LRP1B: variants seen among roughly 807,000 people sequenced by gnomAD.
LRP1B encodes the protein LDL receptor related protein 1B, also known as low-density lipoprotein receptor-related protein 1B.
In LRP1B, 217 loss-of-function variants were observed where a neutral mutation model predicts 556.6. That is an observed-to-expected ratio of 0.39 (90% CI 0.35 to 0.44). The LOEUF (loss-of-function observed/expected upper bound fraction) is 0.44, where lower values mean the gene tolerates loss of function less well. Ranked by LOEUF, LRP1B falls within the 20% of genes least tolerant of loss-of-function variation. The pLI is 1.00. For synonymous variants in LRP1B, 2,047 were observed against 1,865.8 expected (o/e 1.10, Z -2.50); for missense variants, 5,053 against 5,620.8 (o/e 0.90, Z 3.23).
intron 41 of LRP1B, among the ~76,000 whole-genome samples, chr2:140,653,432 A>G (rs1156234175): frequency 2.0e-5 from 3 of 151,922 alleles, no homozygotes; most frequent in Non-Finnish European, 4.4e-5. Context: ...ATCCGTGGAG[A>G]CTAGAAAGTT....
intron 3 of LRP1B, among the ~76,000 whole-genome samples, chr2:141,331,020 A>T (rs985190410): frequency 6.6e-6 from 1 of 152,018 alleles, no homozygotes; most frequent in Non-Finnish European, 1.5e-5. Flanking sequence ...GGCCTCCCAA[A>T]GTGCTGGGAT....
chr2:140,912,005 T>C (rs548839102), intron 21 of LRP1B, among the ~76,000 whole-genome samples: 58 of 151,860 alleles, frequency 3.8e-4, no homozygotes, highest in Non-Finnish European at 6.6e-4. Flanking sequence ...ACAAATAATG[T>C]CACCAGAGAT....
intron 43 of LRP1B, among the ~76,000 whole-genome samples, chr2:140,551,093 T>C (rs1408113987): frequency 6.6e-6 from 1 of 152,146 alleles, no homozygotes; most frequent in Admixed American, 6.6e-5. Flanking sequence ...TGAACTCACA[T>C]TTTCCAGCCC....
At chr2:141,754,489 C>G (rs1458321311) in intron 2 of LRP1B, among the ~76,000 whole-genome samples, 1 of 152,088 alleles carries the variant, frequency 6.6e-6, no homozygotes, top group East Asian at 1.9e-4. Flanking sequence ...ACCTACTTAC[C>G]AATGCATAAT....
At chr2:141,539,739 C>T (rs1685187679) in intron 2 of LRP1B, among the ~76,000 whole-genome samples, 2 of 151,964 alleles carry the variant, frequency 1.3e-5, no homozygotes, top group South Asian at 4.1e-4. Context: ...TAAAAGTAGC[C>T]ATAGATTATA....
chr2:141,662,034 C>T (rs1011248932), intron 2 of LRP1B, among the ~76,000 whole-genome samples: 1 of 152,160 alleles, frequency 6.6e-6, no homozygotes, highest in Non-Finnish European at 1.5e-5. Flanking sequence ...TTTAGACATT[C>T]TTAAAGAAAG....
chr2:141,566,156 GA>G (rs748669440), intron 2 of LRP1B, among the ~76,000 whole-genome samples: 328 of 142,154 alleles, frequency 2.3e-3, no homozygotes, highest in African/African-American at 7.4e-3. Context: ...CACATTTCAG[GA>G]AAAAAAAAAA....
chr2:140,631,250 G>C (rs1026636954), intron 41 of LRP1B, among the ~76,000 whole-genome samples: 5 of 152,072 alleles, frequency 3.3e-5, no homozygotes, highest in African/African-American at 1.2e-4. Context: ...ATCATGTCTA[G>C]CTTTCTACAA....
At chr2:140,956,041 C>A (rs1333469563) in intron 18 of LRP1B, among the ~76,000 whole-genome samples, 3 of 151,704 alleles carry the variant, frequency 2.0e-5, no homozygotes, top group South Asian at 4.1e-4. Flanking sequence ...AAATTAATGA[C>A]AAGATAAGAA....
At chr2:140,653,944 G>C (rs1292648849) in intron 41 of LRP1B, among the ~76,000 whole-genome samples, 2 of 141,476 alleles carry the variant, frequency 1.4e-5, no homozygotes, top group Admixed American at 1.5e-4. Flanking sequence ...AGAATCGCTT[G>C]AACCTGGGAG....
chr2:140,599,744 A>G (rs1682581520), intron 42 of LRP1B, among the ~76,000 whole-genome samples: 1 of 152,252 alleles, frequency 6.6e-6, no homozygotes, highest in African/African-American at 2.4e-5. Flanking sequence ...AGGCTTTATA[A>G]TAAGAGAATT....
In LRP1B at chr2:140,776,134, C is replaced by T. The variant is rs1417505777; in HGVS notation, c.5464G>A (p.Val1822Ile). The T allele has an allele frequency of 1.9e-6, 3 of 1,574,394 alleles. No homozygotes were observed. The highest frequency in any genetic ancestry group is 2.6e-6 in the Non-Finnish European group (3 of 1,166,302). ...TCTTTATCATAGACTTTCATATGAA[C>T]TACCCCAGAAGTCTTATTCCGTAGG... ...TILRNKTSGV[V>I]HMKVYDKEAQ... The change falls in exon 33 of 91, where the codon GTT becomes ATT. Residue 1822 changes from valine to isoleucine, a missense_variant. Physicochemically the swap from Val to Ile is conservative, Grantham distance 29. Around this residue, in one of 5 missense-constraint regions of LRP1B, gnomAD observed 3,619 missense variants for 3,931.9 expected, o/e 0.92. Transcript: ENST00000389484.
At chr2:140,776,059 G>T (rs775791870) in intron 33 of LRP1B, 39 bp downstream of exon 33, 1 of 1,460,282 alleles carries the variant, frequency 6.8e-7, no homozygotes, top group Non-Finnish European at 9.2e-7. Context: ...AGCACATTAC[G>T]TATTCAAGAC....
chr2:141,149,316 C>A (rs763248987), intron 7 of LRP1B, among the ~76,000 whole-genome samples: 1 of 151,962 alleles, frequency 6.6e-6, no homozygotes, highest in Non-Finnish European at 1.5e-5. Flanking sequence ...CCACCATTAC[C>A]TATGAGATCT....
intron 31 of LRP1B, among the ~76,000 whole-genome samples, chr2:140,817,693 T>G (rs1691173248): frequency 6.6e-6 from 1 of 152,122 alleles, no homozygotes; most frequent in African/African-American, 2.4e-5. Flanking sequence ...TTGTTACAAT[T>G]AAGACTAGGC....
At chr2:140,696,793 C>A (rs543298198) in intron 41 of LRP1B, among the ~76,000 whole-genome samples, 7 of 152,250 alleles carry the variant, frequency 4.6e-5, no homozygotes, top group African/African-American at 1.7e-4. Flanking sequence ...ACAGTTTCAT[C>A]CCAAAACCAT....
chr2:140,915,065 C>T (rs536993112), intron 21 of LRP1B, among the ~76,000 whole-genome samples: 78 of 152,202 alleles, frequency 5.1e-4, no homozygotes, highest in African/African-American at 1.6e-3. Context: ...GAAATCTTTC[C>T]TGGTGACCAT....
At chr2:140,838,800 T>C (rs1692004852) in intron 31 of LRP1B, among the ~76,000 whole-genome samples, 1 of 152,148 alleles carries the variant, frequency 6.6e-6, no homozygotes, top group Non-Finnish European at 1.5e-5. Context: ...CCTGTAACAA[T>C]TTTTGCTTCT....
chr2:141,875,553 C>A (rs1481826501), intron 1 of LRP1B, among the ~76,000 whole-genome samples: 2 of 151,944 alleles, frequency 1.3e-5, no homozygotes, highest in Admixed American at 1.3e-4. Flanking sequence ...TCCTTTAGGT[C>A]TTAAGCAATA....
Sources: allele counts gnomAD v4.1 joint callset (sites outside exome capture counted in the v4.1 genomes callset), GRCh38; gene constraint gnomAD v4.1.1; regional missense constraint gnomAD v4.1.1; transcripts MANE v1.5; gene names NCBI Gene and HGNC (gene_info 2026-07-23, HGNC 2026-07-21).